The following SLC10A1 variants were observed in gnomAD, a reference collection of about 807,000 sequenced individuals.
SLC10A1 encodes solute carrier family 10 member 1.
SLC10A1 carries 36 observed loss-of-function variants against 20.5 expected under a neutral mutation model. The observed-to-expected ratio is 1.75, with a 90% CI of 1.34 to 2.32. The LOEUF is 2.32. Ranked by LOEUF, SLC10A1 falls within the 30% of genes most tolerant of loss-of-function variation. SLC10A1 has a pLI of 0.00. For missense variants in SLC10A1, 545 were observed against 439.1 expected (o/e 1.24, Z -2.16); for synonymous variants, 188 against 163.6 (o/e 1.15, Z -1.14).
chr14:69,790,364 G>A (rs1236752207), intron 1 of SLC10A1, among the ~76,000 whole-genome samples: 2 of 152,054 alleles, frequency 1.3e-5, no homozygotes, highest in Non-Finnish European at 2.9e-5. Flanking sequence ...ATCTTGGAAC[G>A]AAAGCTGGAG....
intron 1 of SLC10A1, among the ~76,000 whole-genome samples, chr14:69,792,407 A>G (rs774472303): frequency 6.6e-6 from 1 of 152,208 alleles, no homozygotes; most frequent in African/African-American, 2.4e-5. Context: ...AAAGGACCCA[A>G]TGTTTCCAGA....
intron 2 of SLC10A1, among the ~76,000 whole-genome samples, chr14:69,780,159 A>G (rs1444443019): frequency 6.6e-6 from 1 of 152,236 alleles, no homozygotes; most frequent in Non-Finnish European, 1.5e-5. Context: ...ACTTTCAGAA[A>G]TATCTTGGGT....
At chr14:69,784,456 A>G (rs979222288) in intron 2 of SLC10A1, among the ~76,000 whole-genome samples, 2 of 152,152 alleles carry the variant, frequency 1.3e-5, no homozygotes, top group African/African-American at 4.8e-5. Context: ...GGGCCTGGTC[A>G]CTCATGAGAG....
At position 69,776,337 on chromosome 14, in the gene SLC10A1, CCT is replaced by C; in HGVS notation, c.993_994del (p.Gly332SerfsTer33). 4 of 1,613,832 alleles carry C rather than the reference CCT, an allele frequency of 2.5e-6. No homozygotes were observed. Among genetic ancestry groups the C allele is most frequent in the Non-Finnish European group, 3.4e-6 (4 of 1,179,998 alleles). Reference sequence around the variant, plus strand: ...TTTGTAGGTGCCATTTCCCAGAGCTCCTGGAATTGTTTCTTCAGTTGTGGCAG... The same window carrying C: ...TTTGTAGGTGCCATTTCCCAGAGCTCGGAATTGTTTCTTCAGTTGTGGCAG... On this transcript the variant is annotated frameshift_variant, in exon 5 of 5. Coordinates refer to ENST00000216540, the MANE Select transcript of SLC10A1 (RefSeq NM_003049.4). LOFTEE classifies it low-confidence loss of function (END_TRUNC).
At chr14:69,792,382 C>T (rs935049931) in intron 1 of SLC10A1, among the ~76,000 whole-genome samples, 22 of 152,150 alleles carry the variant, frequency 1.4e-4, no homozygotes, top group Non-Finnish European at 4.4e-5. Flanking sequence ...ACCACAATCC[C>T]ATAGAAAAAC....
Position 69,778,447 on chromosome 14 carries a change from C to T in SLC10A1, c.829G>A (p.Glu277Lys). The T allele has an allele frequency of 6.2e-7, 1 of 1,614,070 alleles. No homozygotes were observed. The highest frequency in any genetic ancestry group is 1.1e-5 in the South Asian group (1 of 91,074). The change falls in exon 4 of 5, where the codon GAA becomes AAA. Residue 277 changes from glutamate (E) to lysine (K), a missense_variant. Physicochemically the swap from Glu to Lys is moderately conservative, Grantham distance 56 (BLOSUM62 1). Coordinates refer to ENST00000216540, the MANE Select transcript of SLC10A1 (RefSeq NM_003049.4). ...AAGAAGAAAAGTGGTCCAATGACTT[C>T]AGGTGGAAAGGCCACATTGAGGATG... is the stretch of plus-strand genomic sequence containing the variant. ...STILNVAFPP[E>K]VIGPLFFFPL...
At chr14:69,794,993 C>T (rs1293041376) in intron 1 of SLC10A1, among the ~76,000 whole-genome samples, 2 of 152,296 alleles carry the variant, frequency 1.3e-5, no homozygotes, top group South Asian at 2.1e-4. Flanking sequence ...TTGCCTTCCA[C>T]GTCCCCTGCT....
At chr14:69,792,846 AAAAAG>A (rs1230211537) in intron 1 of SLC10A1, among the ~76,000 whole-genome samples, 2 of 152,198 alleles carry the variant, frequency 1.3e-5, no homozygotes, top group South Asian at 2.1e-4. Flanking sequence ...AAAAAAAAAA[AAAAAG>A]CAAGCTGTTA....
At chr14:69,780,237 A>G (rs1016880131) in intron 2 of SLC10A1, among the ~76,000 whole-genome samples, 2 of 152,254 alleles carry the variant, frequency 1.3e-5, no homozygotes, top group African/African-American at 4.8e-5. Flanking sequence ...TCATTGTGCA[A>G]CATAGGATGC....
rs531107214 is a variant in SLC10A1 at position 69,776,214 on chromosome 14, C to T, written c.*68G>A. On this transcript the variant is annotated 3_prime_UTR_variant, in exon 5 of 5. Coordinates refer to ENST00000216540, the MANE Select transcript of SLC10A1 (RefSeq NM_003049.4). ...AGGCAAGACTGGTGTTTTTGCTGCT[C>T]TCTCTAGTTTACCACACTGGCTTTC... 2 of 1,134,024 alleles carry T rather than the reference C, an allele frequency of 1.8e-6. No individual in the cohort carries two copies. Among genetic ancestry groups the T allele is most frequent in the Admixed American group, 2.0e-5 (1 of 51,078 alleles). 70.2% of individuals were successfully genotyped at this position (1,134,024 alleles called of 1,614,324 possible).
chr14:69,789,271 A>G (rs929541141), intron 1 of SLC10A1, among the ~76,000 whole-genome samples: 5 of 152,272 alleles, frequency 3.3e-5, no homozygotes, highest in Non-Finnish European at 7.3e-5. Context: ...TTCCATAGAC[A>G]TTATTCATAC....
chr14:69,786,458 C>T (rs879567001), intron 1 of SLC10A1, 151 bp from the exon 2 acceptor site: 4 of 645,234 alleles, frequency 6.2e-6, no homozygotes, highest in Non-Finnish European at 1.1e-5. Flanking sequence ...AGCATACTAT[C>T]TTCTTTTCGC....
Position 69,779,211 on chromosome 14 carries a change from A to G in SLC10A1, c.717T>C (p.Val239=). The part of the protein sequence containing the change: ...MPFIGFLLGY[V]LSALFCLNGR... ...CATTGAGGCAGAAGAGAGCAGAGAG[A>G]ACATAACCCAGCAGAAAGCCAATAA... is the stretch of plus-strand genomic sequence containing the variant. The change falls in exon 3 of 5, where the codon GTT becomes GTC. Residue 239 remains valine (V), a synonymous_variant. Transcript: ENST00000216540. 1 of 1,613,212 alleles carries G rather than the reference A, an allele frequency of 6.2e-7. No individual in the cohort carries two copies.
At chr14:69,776,631 T>A (rs11849924) in intron 4 of SLC10A1, among the ~76,000 whole-genome samples, 1,739 of 152,286 alleles carry the variant, frequency 0.011, 35 homozygotes, top group African/African-American at 0.04. Context: ...TCATCATCAC[T>A]TCACTTCTAA....
chr14:69,794,025 G>A lies in SLC10A1; in HGVS notation c.356+2775C>T, dbSNP rs1328838934. ...CCACCTATGAGGCAGAGTGAGTGGA[G>A]GGAGACACAGTTTCCCACAAACTCT... is the stretch of plus-strand genomic sequence containing the variant. On this transcript the variant is annotated intron_variant, in intron 1 of 4. Coordinates refer to ENST00000216540, the MANE Select transcript of SLC10A1 (RefSeq NM_003049.4). 2.0e-5 allele frequency among the ~76,000 whole-genome samples: 3 copies of A among 152,174 alleles called. 1 individual carries two copies. Among genetic ancestry groups the A allele is most frequent in the Non-Finnish European group, 4.4e-5 (3 of 68,022 alleles).
At chr14:69,784,038 G>A (rs562590221) in intron 2 of SLC10A1, among the ~76,000 whole-genome samples, 4 of 152,262 alleles carry the variant, frequency 2.6e-5, no homozygotes, top group African/African-American at 7.2e-5. Context: ...TCTGGAGTGA[G>A]GATAGAGTTG....
At chr14:69,788,546 T>C (rs553050635) in intron 1 of SLC10A1, among the ~76,000 whole-genome samples, 1 of 148,154 alleles carries the variant, frequency 6.7e-6, no homozygotes, top group South Asian at 2.1e-4. Context: ...TATGAAGAAC[T>C]CTTTTTTTTT....
chr14:69,780,244 A>T (rs1035135252), intron 2 of SLC10A1, among the ~76,000 whole-genome samples: 1 of 152,214 alleles, frequency 6.6e-6, no homozygotes, highest in Non-Finnish European at 1.5e-5. Context: ...GCAACATAGG[A>T]TGCAACCTTT....
intron 2 of SLC10A1, among the ~76,000 whole-genome samples, chr14:69,783,880 C>A (rs1256152396): frequency 6.6e-6 from 1 of 152,200 alleles, no homozygotes; most frequent in African/African-American, 2.4e-5. Flanking sequence ...TTGAGAATGA[C>A]TTCCAGTTTC....
Sources: allele counts gnomAD v4.1 joint callset (sites outside exome capture counted in the v4.1 genomes callset), GRCh38; gene constraint gnomAD v4.1.1; transcripts MANE v1.5; gene names NCBI Gene and HGNC (gene_info 2026-07-23, HGNC 2026-07-21).